The following DOCK6 variants were observed in gnomAD, a reference collection of about 807,000 sequenced individuals.
DOCK6 encodes dedicator of cytokinesis protein 6.
In DOCK6, 167 loss-of-function variants were observed where a neutral mutation model predicts 230.3. The ratio of observed to expected loss-of-function variants is 0.73; its 90% CI spans 0.64 to 0.82. The LOEUF (loss-of-function observed/expected upper bound fraction) is 0.82, where lower values mean the gene tolerates loss of function less well. DOCK6 is among the 40% of genes least tolerant of loss of function. The probability of loss-of-function intolerance (pLI) is 0.00; values close to 1 mark genes in which losing one functional copy is unlikely to be tolerated. For missense variants in DOCK6, 2,598 were observed against 2,825.8 expected (o/e 0.92, Z 1.83); for synonymous variants, 1,148 against 1,185.0 (o/e 0.97, Z 0.64).
Position 11,236,566 on chromosome 19 carries a change from C to T in DOCK6, c.2172G>A (p.Leu724=). 1 of 1,589,892 alleles carries T rather than the reference C, an allele frequency of 6.3e-7. No individual in the cohort carries two copies. Among genetic ancestry groups the T allele is most frequent in the Non-Finnish European group, 8.6e-7 (1 of 1,168,656 alleles). The change falls in exon 20 of 48, where the codon CTG becomes CTA. Residue 724 remains leucine, a synonymous_variant. Coordinates refer to ENST00000294618, the MANE Select transcript of DOCK6 (RefSeq NM_020812.4). The surrounding 1 kb of genome is among the most constrained non-coding windows in gnomAD (Gnocchi z 5.2). ...CGTGCACCAGGGTGAAGAATTTGTCCAGGTAGGGGTCCTGGGTAGGGATGT... is the reference window on the plus strand; with the variant it reads ...CGTGCACCAGGGTGAAGAATTTGTCTAGGTAGGGGTCCTGGGTAGGGATGT... ...VSSVHPQDPY[L]DKFFTLVHVL...
intron 24 of DOCK6, 119 bp downstream of exon 24, chr19:11,227,218 A>C: frequency 2.2e-6 from 3 of 1,382,812 alleles, no homozygotes; most frequent in Non-Finnish European, 3.0e-6. Context: ...GGATCCACCC[A>C]GCAAAGTGGA....
At chr19:11,210,872 T>G (rs1431849842) in intron 37 of DOCK6, among the ~76,000 whole-genome samples, 2 of 151,060 alleles carry the variant, frequency 1.3e-5, no homozygotes, top group Non-Finnish European at 3.0e-5. Flanking sequence ...TCCTCACCTG[T>G]TCACCTCCTG....
chr19:11,258,525 C>T (rs551522372), intron 1 of DOCK6, among the ~76,000 whole-genome samples: 3 of 151,354 alleles, frequency 2.0e-5, no homozygotes, highest in Non-Finnish European at 2.9e-5. Flanking sequence ...CTCCACGGCC[C>T]GGGTTCAAGC....
intron 24 of DOCK6, among the ~76,000 whole-genome samples, chr19:11,224,872 G>A (rs556385766): frequency 6.6e-5 from 10 of 152,056 alleles, no homozygotes; most frequent in Non-Finnish European, 1.5e-4. Flanking sequence ...AGATCAGCCT[G>A]GCCAATATGG....
chr19:11,211,425 A>G (rs1217502663), intron 37 of DOCK6, among the ~76,000 whole-genome samples: 1 of 143,872 alleles, frequency 7.0e-6, no homozygotes, highest in Non-Finnish European at 1.5e-5. Flanking sequence ...CTCATCTGTC[A>G]TCCTCATCAG....
chr19:11,223,456 C>T (rs1396936088), intron 24 of DOCK6, among the ~76,000 whole-genome samples: 2 of 152,224 alleles, frequency 1.3e-5, no homozygotes, highest in East Asian at 1.9e-4. Flanking sequence ...GAGGTGGCCA[C>T]TTATATGGCA....
intron 6 of DOCK6, 71 bp downstream of exon 6, chr19:11,250,803 G>A: frequency 6.9e-7 from 1 of 1,452,006 alleles, no homozygotes; most frequent in East Asian, 2.3e-5. Flanking sequence ...AGAAGCTATT[G>A]AATAAACATG....
chr19:11,202,408 G>A lies in DOCK6; in HGVS notation c.5437C>T (p.Leu1813Phe), dbSNP rs756074800. 9 of 1,613,846 alleles carry A rather than the reference G, an allele frequency of 5.6e-6. No individual in the cohort carries two copies. Among genetic ancestry groups the A allele is most frequent in the Non-Finnish European group, 5.9e-6 (7 of 1,179,840 alleles). Reference sequence around the variant, plus strand: ...GGGGGACCCACCTTTTGTGAGTCAAGCTTGGACTTGTCCACAGGGTTAGAG... The same window carrying A: ...GGGGGACCCACCTTTTGTGAGTCAAACTTGGACTTGTCCACAGGGTTAGAG... ...KDSNPVDKSK[L>F]DSQKAYIQIT... The change falls in exon 43 of 48, where the codon CTT becomes TTT. Residue 1813 changes from leucine to phenylalanine, a missense_variant. Coordinates refer to ENST00000294618, the MANE Select transcript of DOCK6 (RefSeq NM_020812.4). The surrounding 1 kb of genome is among the most constrained non-coding windows in gnomAD (Gnocchi z 5.3).
At chr19:11,241,622 GC>G (rs1195433765) in intron 14 of DOCK6, 4 of 1,563,440 alleles carry the variant, frequency 2.6e-6, no homozygotes, top group Non-Finnish European at 2.6e-6. Context: ...CTGGAAAGGG[GC>G]CCCCTCACCT....
Position 11,202,550 on chromosome 19 carries a change from A to G in DOCK6, c.5361+34T>C. The G allele has an allele frequency of 6.2e-7, 1 of 1,613,846 alleles. No individual in the cohort carries two copies. Among genetic ancestry groups the G allele is most frequent in the Non-Finnish European group, 8.5e-7 (1 of 1,179,882 alleles). On this transcript the variant is annotated intron_variant, in intron 42 of 47. Transcript: ENST00000294618. This position sits in a 1 kb window ranked among gnomAD's most constrained non-coding sequence, Gnocchi z 5.3. ...CCTACTCCAGCCCCAAGGCAGCCCCATGCCCCGTTCCACCCCCAACCACAA... is the reference window on the plus strand; with the variant it reads ...CCTACTCCAGCCCCAAGGCAGCCCCGTGCCCCGTTCCACCCCCAACCACAA...
chr19:11,243,306 G>A lies in DOCK6; in HGVS notation c.1338C>T (p.Phe446=). 1.2e-6 allele frequency: 2 copies of A among 1,603,082 alleles called. No homozygotes were observed. The highest frequency in any genetic ancestry group is 1.7e-6 in the Non-Finnish European group (2 of 1,175,490). ...RASSGDDACS[F]SGFRPATLTV... is the part of the protein sequence containing the mutation. ...TTAGCGTGGCTGGACGGAAGCCAGA[G>A]AAGCTGCAGGCGTCGTCCCCACTAC... The change falls in exon 12 of 48, where the codon TTC becomes TTT. Residue 446 remains phenylalanine (F), a synonymous_variant. Coordinates refer to ENST00000294618, the MANE Select transcript of DOCK6 (RefSeq NM_020812.4). This position sits in a 1 kb window ranked among gnomAD's most constrained non-coding sequence, Gnocchi z 6.3.
chr19:11,221,792 G>A (rs1600889347), intron 28 of DOCK6, 59 bp downstream of exon 28: 2 of 1,611,368 alleles, frequency 1.2e-6, no homozygotes, highest in East Asian at 2.2e-5. Flanking sequence ...TTACTATCCT[G>A]TGCCTTCTGT....
At position 11,238,289 on chromosome 19, in the gene DOCK6, C is replaced by T; in HGVS notation, c.1659G>A (p.Val553=). Residue 553 remains valine (V), a synonymous_variant, in exon 15 of 48, where the codon GTG becomes GTA. Coordinates refer to ENST00000294618, the MANE Select transcript of DOCK6 (RefSeq NM_020812.4). The part of the protein sequence containing the change: ...PHTSYRNLLY[V]YPHSLNFSSR... ...TGCTGAAGTTGAGGCTGTGCGGGTA[C>T]ACGTACAGCAGGTTCCTGTGGGGGG... 6.2e-7 allele frequency: 1 copy of T among 1,609,466 alleles called. No homozygotes were observed. Among genetic ancestry groups the T allele is most frequent in the Non-Finnish European group, 8.5e-7 (1 of 1,178,074 alleles).
At chr19:11,239,514 G>A (rs1010470904) in intron 14 of DOCK6, 29 of 1,220,240 alleles carry the variant, frequency 2.4e-5, no homozygotes, top group Non-Finnish European at 3.2e-5. Flanking sequence ...TCGCACCACT[G>A]CCAGGCCCTT....
At chr19:11,221,607 G>GC (rs1600889118) in intron 28 of DOCK6, 5 of 550,852 alleles carry the variant, frequency 9.1e-6, no homozygotes, top group Non-Finnish European at 1.6e-5. Flanking sequence ...CAGTACTACA[G>GC]CCCCCCACAT....
intron 18 of DOCK6, chr19:11,237,227 G>A (rs1032481170): frequency 3.4e-5 from 21 of 608,944 alleles, no homozygotes; most frequent in Middle Eastern, 8.8e-4. Context: ...GATCAGGAAG[G>A]CAGTCAGGGT....
At chr19:11,242,951 GTCA>G in intron 13 of DOCK6, 105 bp downstream of exon 13, 1 of 1,268,474 alleles carries the variant, frequency 7.9e-7, no homozygotes, top group Non-Finnish European at 1.1e-6. Context: ...GTCCATCATG[GTCA>G]TCGTTGGGTC....
intron 36 of DOCK6, 26 bp downstream of exon 36, chr19:11,211,967 C>T (rs568537772): frequency 2.7e-5 from 22 of 827,456 alleles, no homozygotes; most frequent in East Asian, 9.5e-5. Context: ...GAAGGGGAGG[C>T]GGGGCGGGGA....
At chr19:11,209,202 C>T (rs1273514360) in intron 37 of DOCK6, 99 bp from the exon 38 acceptor site, 51 of 1,413,010 alleles carry the variant, frequency 3.6e-5, no homozygotes, top group Admixed American at 3.1e-4. Flanking sequence ...CCCCCATGTC[C>T]GCCCCAAGGA....
Sources: gnomAD v4.1 joint callset for allele counts (sites outside exome capture counted in the v4.1 genomes callset) on GRCh38, gnomAD v4.1.1 for gene constraint, Gnocchi (gnomAD v3.1) non-coding constraint, MANE v1.5 for transcripts, NCBI Gene and HGNC (gene_info 2026-07-23, HGNC 2026-07-21) for gene names.